The following HIVEP1 variants were observed in gnomAD, a reference collection of about 807,000 sequenced individuals.
HIVEP1 encodes zinc finger protein 40.
HIVEP1 carries 36 observed loss-of-function variants against 180.0 expected under a neutral mutation model. The observed-to-expected ratio is 0.20, with a 90% CI of 0.15 to 0.26. HIVEP1 has a LOEUF of 0.26. Ranked by LOEUF, HIVEP1 falls within the 10% of genes least tolerant of loss-of-function variation. The pLI, the probability that HIVEP1 is intolerant of heterozygous loss-of-function variation, is 1.00. For missense variants in HIVEP1, 3,143 were observed against 3,268.7 expected (o/e 0.96, Z 0.94); for synonymous variants, 1,239 against 1,239.0 (o/e 1.00, Z 0.00).
chr6:12,042,153 C>T (rs1769793501), intron 2 of HIVEP1, among the ~76,000 whole-genome samples: 5 of 149,110 alleles, frequency 3.4e-5, no homozygotes, highest in African/African-American at 1.3e-4. Context: ...AATCTCGGCT[C>T]ACTGCAAGCT....
chr6:12,128,756 T>C (rs1184170522), intron 4 of HIVEP1, among the ~76,000 whole-genome samples: 2 of 152,184 alleles, frequency 1.3e-5, no homozygotes, highest in Non-Finnish European at 2.9e-5. Flanking sequence ...TATTATTATA[T>C]TGTTCCTATA....
chr6:12,143,917 C>G (rs1020461711), intron 7 of HIVEP1, among the ~76,000 whole-genome samples: 10 of 152,166 alleles, frequency 6.6e-5, no homozygotes, highest in African/African-American at 2.4e-4. Flanking sequence ...ACATTCCATG[C>G]TCATGGATAG....
chr6:12,121,958 T>C lies in HIVEP1; in HGVS notation c.2163T>C (p.Ala721=). The C allele has an allele frequency of 6.2e-7, 1 of 1,614,144 alleles. No individual in the cohort carries two copies. The highest frequency in any genetic ancestry group is 2.2e-5 in the East Asian group (1 of 44,882). Residue 721 remains alanine, a synonymous_variant, in exon 4 of 9, where the codon GCT becomes GCC. Coordinates refer to ENST00000379388, the MANE Select transcript of HIVEP1 (RefSeq NM_002114.4). The surrounding 1 kb of genome is among the most constrained non-coding windows in gnomAD (Gnocchi z 5.3). The part of the protein sequence containing the change: ...AALVTTSTPS[A]LPTGEKALLL... ...TTGTCACCACGTCAACACCCTCTGC[T>C]TTGCCCACAGGGGAAAAGGCATTGC... is the stretch of plus-strand genomic sequence containing the variant.
intron 2 of HIVEP1, among the ~76,000 whole-genome samples, chr6:12,044,186 A>G (rs1769963460): frequency 6.6e-6 from 1 of 152,178 alleles, no homozygotes; most frequent in Admixed American, 6.5e-5. Flanking sequence ...AAGAATTCTA[A>G]GTGAATCTCC....
intron 3 of HIVEP1, among the ~76,000 whole-genome samples, chr6:12,094,642 A>C (rs989505171): frequency 2.0e-5 from 3 of 151,970 alleles, no homozygotes; most frequent in African/African-American, 7.2e-5. Flanking sequence ...CTTTAAACCA[A>C]TTTGGTCATG....
chr6:12,182,704 T>C, the HIVEP1 span, among the ~76,000 whole-genome samples: 1 of 152,220 alleles, frequency 6.6e-6, no homozygotes, highest in Non-Finnish European at 1.5e-5. Flanking sequence ...TCTTCCATTC[T>C]TTCCTTCTTA....
At chr6:12,188,669 G>C in the HIVEP1 span, among the ~76,000 whole-genome samples, 1 of 151,920 alleles carries the variant, frequency 6.6e-6, no homozygotes, top group Non-Finnish European at 1.5e-5. Flanking sequence ...ATCTATATAA[G>C]GTTTTCAAAT....
chr6:12,026,841 G>A (rs766547154), intron 2 of HIVEP1, among the ~76,000 whole-genome samples: 9 of 152,174 alleles, frequency 5.9e-5, no homozygotes, highest in Non-Finnish European at 8.8e-5. Flanking sequence ...CAGCAAAAGA[G>A]TAATATGGCT....
chr6:12,167,631 T>TTATATTACATGTATATATACATG (rs1562023542), downstream of HIVEP1, among the ~76,000 whole-genome samples: 89 of 100,814 alleles, frequency 8.8e-4, 8 homozygotes, highest in African/African-American at 5.4e-3. Flanking sequence ...TATATACATG[T>TTATATTACATGTATATATACATG]TATATATACA....
At chr6:12,149,097 T>A (rs533925148) in intron 7 of HIVEP1, among the ~76,000 whole-genome samples, 54 of 152,252 alleles carry the variant, frequency 3.5e-4, no homozygotes, top group South Asian at 8.3e-4. Context: ...AACAACAGGG[T>A]GGTAGTGACA....
At chr6:12,180,374 A>G in the HIVEP1 span, among the ~76,000 whole-genome samples, 1 of 152,218 alleles carries the variant, frequency 6.6e-6, no homozygotes, top group Admixed American at 6.5e-5. Context: ...GCGATTCACA[A>G]ACTTCAATCT....
At chr6:12,079,315 T>C (rs1381844134) in intron 2 of HIVEP1, among the ~76,000 whole-genome samples, 1 of 152,210 alleles carries the variant, frequency 6.6e-6, no homozygotes, top group Non-Finnish European at 1.5e-5. Flanking sequence ...AATTATGTTC[T>C]AGTTTAGGGC....
intron 2 of HIVEP1, among the ~76,000 whole-genome samples, chr6:12,084,259 G>T (rs1044379525): frequency 6.6e-6 from 1 of 152,098 alleles, no homozygotes; most frequent in African/African-American, 2.4e-5. Flanking sequence ...GCACAGAGTT[G>T]AGTCTTTGAT....
At chr6:12,145,100 G>A (rs1052501712) in intron 7 of HIVEP1, among the ~76,000 whole-genome samples, 1 of 152,260 alleles carries the variant, frequency 6.6e-6, no homozygotes, top group Middle Eastern at 3.4e-3. Flanking sequence ...ATTAACAATA[G>A]CAAAGACTTG....
At chr6:12,156,191 T>C (rs531593653) in intron 7 of HIVEP1, among the ~76,000 whole-genome samples, 6 of 152,356 alleles carry the variant, frequency 3.9e-5, no homozygotes, top group East Asian at 1.9e-4. Flanking sequence ...TCTCCCATTC[T>C]GTAGGTTGTG....
At chr6:12,211,195 T>A in the HIVEP1 span, among the ~76,000 whole-genome samples, 21 of 130,418 alleles carry the variant, frequency 1.6e-4, no homozygotes, top group Admixed American at 1.6e-3. Flanking sequence ...GTCAGGAGAT[T>A]GAGACCATCC....
chr6:12,065,696 T>TGTGTGTGTGTGTGCGC (rs1771529026), intron 2 of HIVEP1, among the ~76,000 whole-genome samples: 3 of 142,468 alleles, frequency 2.1e-5, no homozygotes, highest in African/African-American at 7.7e-5. Context: ...TGTGTGCGTG[T>TGTGTGTGTGTGTGCGC]GTGTGTGTGT....
At chr6:12,095,647 A>G (rs1173261325) in intron 3 of HIVEP1, among the ~76,000 whole-genome samples, 1 of 151,918 alleles carries the variant, frequency 6.6e-6, no homozygotes, top group Non-Finnish European at 1.5e-5. Context: ...AAATTTTCTG[A>G]GAATGTAGTA....
downstream of HIVEP1, chr6:12,165,012 T>C: frequency 2.5e-6 from 1 of 403,318 alleles, no homozygotes; most frequent in Admixed American, 3.1e-5. Context: ...ATTGCTTCAG[T>C]TGTGCCTTCT....
Sources: gnomAD v4.1 joint callset for allele counts (sites outside exome capture counted in the v4.1 genomes callset) on GRCh38, gnomAD v4.1.1 for gene constraint, Gnocchi (gnomAD v3.1) non-coding constraint, MANE v1.5 for transcripts, NCBI Gene and HGNC (gene_info 2026-07-23, HGNC 2026-07-21) for gene names.